Variants in FAM184B observed in about 807,000 individuals in gnomAD.
FAM184B encodes the protein protein FAM184B.
Under a neutral mutation model 135.9 loss-of-function variants are expected in FAM184B, and 111 were observed. That is an observed-to-expected ratio of 0.82 (90% CI 0.70 to 0.96). FAM184B has a LOEUF of 0.96. Ranked by LOEUF, FAM184B falls within the 40% of genes least tolerant of loss-of-function variation. The pLI, the probability that FAM184B is intolerant of heterozygous loss-of-function variation, is 0.00. For synonymous variants in FAM184B, 552 were observed against 524.8 expected, an observed-to-expected ratio of 1.05 and a Z score of -0.71; for missense variants, 1,375 against 1,323.9, an observed-to-expected ratio of 1.04 and a Z score of -0.60.
chr4:17,780,552 G>A (rs1304994336), intron 1 of FAM184B, among the ~76,000 whole-genome samples: 1 of 152,134 alleles, frequency 6.6e-6, no homozygotes, highest in African/African-American at 2.4e-5. Context: ...CCCCCTGCAC[G>A]AGGTAAGGAG....
At chr4:17,654,510 C>A (rs1424664979) in intron 10 of FAM184B, among the ~76,000 whole-genome samples, 1 of 152,206 alleles carries the variant, frequency 6.6e-6, no homozygotes, top group African/African-American at 2.4e-5. Context: ...TATTTTTCAA[C>A]AGAGCAGGAA....
intron 1 of FAM184B, among the ~76,000 whole-genome samples, chr4:17,771,189 T>C (rs1257286420): frequency 6.6e-6 from 1 of 152,198 alleles, no homozygotes; most frequent in Non-Finnish European, 1.5e-5. Flanking sequence ...CCACAGCAGC[T>C]GCATCATTTT....
At chr4:17,633,446 C>T (rs1416457726) in intron 17 of FAM184B, 6 of 391,472 alleles carry the variant, frequency 1.5e-5, no homozygotes, top group Non-Finnish European at 2.3e-5. Context: ...GTGACCTGTC[C>T]AAGGCCACAG....
rs1282700334 is a variant in FAM184B at position 17,629,929 on chromosome 4, T to A, written c.*2603A>T. On this transcript the variant is annotated 3_prime_UTR_variant, in exon 18 of 18. Coordinates refer to ENST00000265018, the MANE Select transcript of FAM184B (RefSeq NM_015688.2). ...GCTTAAGTTTGTGTCCTTAAATGCC[T>A]TACTTCAATACCCAAGGCATATGGC... 2 of 152,190 alleles carry A rather than the reference T, an allele frequency of 1.3e-5. No homozygotes were observed. The highest frequency in any genetic ancestry group is 4.8e-5 in the African/African-American group (2 of 41,462). The allele number at this position is 152,190 out of a possible 1,614,324, so 9.4% of individuals were successfully genotyped here. A position where few individuals can be genotyped will look rare whatever the true frequency, so the allele number is the denominator to read the frequency against.
intron 1 of FAM184B, among the ~76,000 whole-genome samples, chr4:17,725,169 A>G (rs1268486744): frequency 6.6e-6 from 1 of 152,116 alleles, no homozygotes; most frequent in Admixed American, 6.6e-5. Flanking sequence ...AGGGACAGGA[A>G]CTAGTAGGGA....
chr4:17,689,165 A>T (rs1167061739), intron 6 of FAM184B, among the ~76,000 whole-genome samples: 1 of 152,224 alleles, frequency 6.6e-6, no homozygotes, highest in Non-Finnish European at 1.5e-5. Flanking sequence ...TCTTTTGAAA[A>T]CAAAACAAAA....
At chr4:17,713,860 G>C (rs1403749679) in intron 1 of FAM184B, among the ~76,000 whole-genome samples, 3 of 152,160 alleles carry the variant, frequency 2.0e-5, no homozygotes, top group African/African-American at 7.2e-5. Flanking sequence ...TGCAACCTCA[G>C]AAATATTTTA....
chr4:17,647,452 G>A (rs1355142135), intron 12 of FAM184B, among the ~76,000 whole-genome samples, 185 bp downstream of exon 12: 1 of 151,944 alleles, frequency 6.6e-6, no homozygotes, highest in Non-Finnish European at 1.5e-5. Flanking sequence ...GTCTTGCTAT[G>A]TTGCCCTGGC....
At position 17,781,098 on chromosome 4, in the gene FAM184B, C is replaced by T. The variant is rs1719023060; in HGVS notation, c.141+61G>A. On this transcript the variant is annotated intron_variant, in intron 1 of 17. Transcript: ENST00000265018. This position sits in a 1 kb window ranked among gnomAD's most constrained non-coding sequence, Gnocchi z 6.5. ...GGGCCTCCCGGGAGGCGCATCCGCA[C>T]TGACTCCCGGCTCGGGCGCCCCGGG... 2.0e-6 allele frequency: 3 copies of T among 1,476,078 alleles called. No individual in the cohort carries two copies. Among genetic ancestry groups the T allele is most frequent in the Non-Finnish European group, 9.0e-7 (1 of 1,109,888 alleles). The allele number at this position is 1,476,078 out of a possible 1,614,324, so 91.4% of individuals were successfully genotyped here. A position where few individuals can be genotyped will look rare whatever the true frequency, so the allele number is the denominator to read the frequency against.
chr4:17,647,710 A>G lies in FAM184B; in HGVS notation c.2273T>C (p.Leu758Pro). The part of the protein sequence containing the change: ...QKDLEALQAE[L>P]RALGRQQASS... ...GGCTTGCTGTCTGCCCAGAGCCCTC[A>G]GCTCGGCCTGCAGTGCCTCCAAGTC... Residue 758 changes from leucine (L) to proline (P), a missense_variant, in exon 12 of 18, where the codon CTG becomes CCG. Leu to Pro is a moderately conservative substitution (Grantham distance 98). Coordinates refer to ENST00000265018, the MANE Select transcript of FAM184B (RefSeq NM_015688.2). 1 of 1,551,092 alleles carries G rather than the reference A, an allele frequency of 6.4e-7. No individual in the cohort carries two copies. The highest frequency in any genetic ancestry group is 2.4e-5 in the East Asian group (1 of 40,910).
At chr4:17,780,610 G>A (rs1331514354) in intron 1 of FAM184B, among the ~76,000 whole-genome samples, 1 of 152,026 alleles carries the variant, frequency 6.6e-6, no homozygotes, top group Non-Finnish European at 1.5e-5. Flanking sequence ...ATAGTTATTT[G>A]GTGAATCGTG....
chr4:17,642,038 G>A lies in FAM184B; in HGVS notation c.2519+18C>T. The stretch of plus-strand genomic sequence containing the variant: ...GGGGTGAGGGTGGCGCGGTGGCGGG[G>A]CGCGCCGGGTCACCCACCTGCGCTG... On this transcript the variant is annotated intron_variant, in intron 13 of 17. Coordinates refer to ENST00000265018, the MANE Select transcript of FAM184B (RefSeq NM_015688.2). 4 of 1,518,236 alleles carry A rather than the reference G, an allele frequency of 2.6e-6. 1 individual carries two copies. The Admixed American group carries it at 6.0e-5, about 23-fold the overall frequency. 94.0% of individuals were successfully genotyped at this position (1,518,236 alleles called of 1,614,324 possible).
Position 17,652,840 on chromosome 4 carries a change from G to GGCCTGCTGT in FAM184B, c.2172_2180dup (p.Gln725_Ala727dup), listed in dbSNP as rs1410169691. The GGCCTGCTGT allele has an allele frequency of 1.3e-6, 2 of 1,551,034 alleles. No homozygotes were observed. The highest frequency in any genetic ancestry group is 1.7e-6 in the Non-Finnish European group (2 of 1,146,904). ...CTATTGGGTGTATACCTAGCAGCAG[G>GGCCTGCTGT]GCCTGCTGTGCCTGCATCCTCTCAC... On this transcript the variant is annotated inframe_insertion, in exon 11 of 18. Transcript: ENST00000265018.
rs142711974 is a variant in FAM184B at position 17,681,511 on chromosome 4, C to T, written c.1596+6913G>A. 9.2e-3 allele frequency among the ~76,000 whole-genome samples: 1,398 copies of T among 152,324 alleles called. 11 individuals carry two copies. The highest frequency in any genetic ancestry group is 0.014 in the Non-Finnish European group (959 of 68,022). ...AACCAGACCCTTCAATTCACACCAA[C>T]CAAGGGTGCTGGCTCCCAATTGGCC... is the stretch of plus-strand genomic sequence containing the variant. On this transcript the variant is annotated intron_variant, in intron 7 of 17. Transcript: ENST00000265018.
At chr4:17,775,642 C>A (rs1718911050) in intron 1 of FAM184B, among the ~76,000 whole-genome samples, 1 of 152,210 alleles carries the variant, frequency 6.6e-6, no homozygotes. Flanking sequence ...GGTATAGAAT[C>A]CAATCTAGGA....
chr4:17,681,834 G>A (rs531802992), intron 7 of FAM184B, among the ~76,000 whole-genome samples: 30 of 152,232 alleles, frequency 2.0e-4, no homozygotes, highest in Middle Eastern at 3.4e-3. Flanking sequence ...GCAGATGTCC[G>A]CAGATGTCAT....
chr4:17,655,174 C>T (rs1485261450), intron 10 of FAM184B, among the ~76,000 whole-genome samples: 2 of 152,176 alleles, frequency 1.3e-5, no homozygotes, highest in Non-Finnish European at 2.9e-5. Context: ...ACAGAAAAGG[C>T]TCATACTTTT....
intron 1 of FAM184B, among the ~76,000 whole-genome samples, chr4:17,743,324 C>G (rs568459444): frequency 6.6e-6 from 1 of 152,174 alleles, no homozygotes; most frequent in Admixed American, 6.5e-5. Flanking sequence ...TGTCAGCCAC[C>G]GAAGAATTTA....
At chr4:17,719,765 T>G (rs1560184983) in intron 1 of FAM184B, among the ~76,000 whole-genome samples, 2 of 152,206 alleles carry the variant, frequency 1.3e-5, no homozygotes, top group Non-Finnish European at 2.9e-5. Context: ...TACTAATTTC[T>G]CAACTTCCCT....
Sources: allele counts gnomAD v4.1 joint callset (sites outside exome capture counted in the v4.1 genomes callset), GRCh38; gene constraint gnomAD v4.1.1; non-coding constraint Gnocchi (gnomAD v3.1); transcripts MANE v1.5; gene names NCBI Gene and HGNC (gene_info 2026-07-23, HGNC 2026-07-21).